Variants in PARD6G observed in about 807,000 individuals in gnomAD.
PARD6G encodes the protein partitioning defective 6 homolog gamma.
Under a neutral mutation model 10.7 loss-of-function variants are expected in PARD6G, and 7 were observed. The observed-to-expected ratio is 0.66, with a 90% confidence interval of 0.37 to 1.23. The LOEUF (loss-of-function observed/expected upper bound fraction) is 1.23, where lower values mean the gene tolerates loss of function less well. Among genes scored for constraint, PARD6G ranks in the 50% most tolerant of loss-of-function variants. The pLI, the probability that PARD6G is intolerant of heterozygous loss-of-function variation, is 0.02. For synonymous variants in PARD6G, 287 were observed against 269.4 expected (o/e 1.07, Z -0.64); for missense variants, 548 against 571.8 (o/e 0.96, Z 0.42).
intron 2 of PARD6G, chr18:80,177,972 T>TACATACACACACACACACACACACACAC (rs1555734939): frequency 7.2e-5 from 11 of 152,044 alleles, no homozygotes; most frequent in East Asian, 2.0e-4. Flanking sequence ...AGCGTGTGCA[T>TACATACACACACACACACACACACACAC]ACACACACAC....
intron 1 of PARD6G, among the ~76,000 whole-genome samples, chr18:80,209,879 A>G (rs1967089646): frequency 1.3e-5 from 2 of 152,230 alleles, no homozygotes; most frequent in South Asian, 2.1e-4. Context: ...AATGTATTCA[A>G]TGATAACATC....
At chr18:80,230,007 G>T (rs1428426491) in intron 1 of PARD6G, among the ~76,000 whole-genome samples, 5 of 152,170 alleles carry the variant, frequency 3.3e-5, no homozygotes, top group African/African-American at 4.8e-5. Flanking sequence ...TGGGTCATAG[G>T]GTCACAGTGT....
chr18:80,209,970 C>T (rs28572771), intron 1 of PARD6G, among the ~76,000 whole-genome samples: 39,997 of 152,098 alleles, frequency 0.26, 6,938 homozygotes, highest in Non-Finnish European at 0.4. Flanking sequence ...TCTATCTATT[C>T]CCCCAACTCT....
intron 1 of PARD6G, among the ~76,000 whole-genome samples, chr18:80,224,779 G>A (rs986492126): frequency 3.3e-5 from 5 of 152,076 alleles, no homozygotes; most frequent in Admixed American, 6.5e-5. Context: ...CCTGGGAGGC[G>A]GAGGTTGCAG....
At chr18:80,169,473 C>G (rs777328841) in intron 2 of PARD6G, 1 of 152,470 alleles carries the variant, frequency 6.6e-6, no homozygotes, top group African/African-American at 2.4e-5. Flanking sequence ...ACAGACACCC[C>G]CTCAGCGGCC....
intron 1 of PARD6G, among the ~76,000 whole-genome samples, chr18:80,213,039 T>C (rs1848178700): frequency 6.6e-6 from 1 of 152,212 alleles, no homozygotes. Context: ...TTAACTCTTG[T>C]TTATATCAAT....
At chr18:80,243,960 A>G (rs1967516062) in intron 1 of PARD6G, among the ~76,000 whole-genome samples, 2 of 151,972 alleles carry the variant, frequency 1.3e-5, no homozygotes, top group Non-Finnish European at 2.9e-5. Context: ...GTTTCTCTGG[A>G]TTTTTCAAGC....
chr18:80,197,315 T>A (rs1198497917), intron 2 of PARD6G: 1 of 152,208 alleles, frequency 6.6e-6, no homozygotes, highest in African/African-American at 2.4e-5. Flanking sequence ...CCAGTGTCCA[T>A]AACAAGATTC....
chr18:80,210,254 T>C (rs1189817371), intron 1 of PARD6G, among the ~76,000 whole-genome samples: 1 of 152,208 alleles, frequency 6.6e-6, no homozygotes, highest in Non-Finnish European at 1.5e-5. Context: ...AATCTCTGCT[T>C]ATCCATTAAA....
chr18:80,230,947 A>T (rs1285281622), intron 1 of PARD6G, among the ~76,000 whole-genome samples: 1 of 152,226 alleles, frequency 6.6e-6, no homozygotes, highest in Non-Finnish European at 1.5e-5. Context: ...ACCTGCCCAT[A>T]GTCACAAGGC....
rs7244381 is a variant in PARD6G at position 80,158,682 on chromosome 18, T to C, written c.*1089A>G. On this transcript the variant is annotated 3_prime_UTR_variant, in exon 3 of 3. Transcript: ENST00000353265. ...GACCAACGTGGTGAAATCCCATCTC[T>C]ACTAAAAATACAAAAATTAGCTGGG... 0.18 allele frequency: 27,677 copies of C among 152,164 alleles called. 2,885 individuals carry two copies. Among genetic ancestry groups the C allele is most frequent in the African/African-American group, 0.27 (11,360 of 41,460 alleles). 9.4% of individuals were successfully genotyped at this position (152,164 alleles called of 1,614,324 possible).
intron 1 of PARD6G, among the ~76,000 whole-genome samples, chr18:80,230,090 C>CA (rs1445491569): frequency 6.6e-6 from 1 of 152,232 alleles, no homozygotes; most frequent in South Asian, 2.1e-4. Context: ...CTAAACCATT[C>CA]ACTGGCAGGG....
chr18:80,202,683 C>A, intron 2 of PARD6G, 27 bp downstream of exon 2: 1 of 1,585,340 alleles, frequency 6.3e-7, no homozygotes, highest in Non-Finnish European at 8.7e-7. Flanking sequence ...TCAACAAGAC[C>A]AGCCGGCCAC....
chr18:80,244,224 T>C (rs1210041094), intron 1 of PARD6G, among the ~76,000 whole-genome samples: 2 of 151,966 alleles, frequency 1.3e-5, no homozygotes, highest in Non-Finnish European at 2.9e-5. Context: ...GCAGGTCCTG[T>C]GGAAGGAGAG....
Position 80,200,152 on chromosome 18 carries a change from C to T in PARD6G, c.295+2558G>A, listed in dbSNP as rs907918629. ...AATAGCATGACCGTGACTGACCCCT[C>T]GACACCCCTGCTGCAGTAAAAAGGC... On this transcript the variant is annotated intron_variant, in intron 2 of 2. Coordinates refer to ENST00000353265, the MANE Select transcript of PARD6G (RefSeq NM_032510.4). The surrounding 1 kb of genome is among the most constrained non-coding windows in gnomAD (Gnocchi z 4.4). Among the ~76,000 whole-genome samples the T allele has an allele frequency of 1.3e-5, 2 of 152,138 alleles. No homozygotes were observed. Among genetic ancestry groups the T allele is most frequent in the Non-Finnish European group, 2.9e-5 (2 of 68,034 alleles).
chr18:80,177,017 G>A (rs1056191721), intron 2 of PARD6G, among the ~76,000 whole-genome samples: 14 of 102,858 alleles, frequency 1.4e-4, no homozygotes, highest in Middle Eastern at 5.3e-3. Context: ...GCACGTGCGC[G>A]CGCGCGTGCA....
rs1056705640 is a variant in PARD6G at position 80,192,685 on chromosome 18, A to T, written c.295+10025T>A. Among the ~76,000 whole-genome samples the T allele has an allele frequency of 2.6e-5, 4 of 152,164 alleles. No individual in the cohort carries two copies. Among genetic ancestry groups the T allele is most frequent in the African/African-American group, 9.7e-5 (4 of 41,440 alleles). ...TACTGTGGTCCAGAACACCAAAGAC[A>T]AGGAGGGAAGAATGATAAGAGTGAA... On this transcript the variant is annotated intron_variant, in intron 2 of 2. Transcript: ENST00000353265. This position sits in a 1 kb window ranked among gnomAD's most constrained non-coding sequence, Gnocchi z 4.9.
At chr18:80,218,472 G>T (rs1394005665) in intron 1 of PARD6G, among the ~76,000 whole-genome samples, 1 of 152,164 alleles carries the variant, frequency 6.6e-6, no homozygotes, top group East Asian at 1.9e-4. Context: ...CTCACATTTA[G>T]GTCACACTGA....
intron 1 of PARD6G, among the ~76,000 whole-genome samples, chr18:80,238,594 G>A (rs1434955858): frequency 6.6e-6 from 1 of 152,032 alleles, no homozygotes; most frequent in Non-Finnish European, 1.5e-5. Context: ...TACCTCGGGG[G>A]TAGGTACTCA....
Sources: gnomAD v4.1 joint callset for allele counts (sites outside exome capture counted in the v4.1 genomes callset) on GRCh38, gnomAD v4.1.1 for gene constraint, Gnocchi (gnomAD v3.1) non-coding constraint, MANE v1.5 for transcripts, NCBI Gene and HGNC (gene_info 2026-07-23, HGNC 2026-07-21) for gene names.